CYP3A7: variants seen among roughly 807,000 people sequenced by gnomAD.
The protein encoded by CYP3A7 is cytochrome P450 family 3 subfamily A member 7, also known as cytochrome P450 3A7.
CYP3A7 carries 45 observed loss-of-function variants against 55.2 expected under a neutral mutation model. The observed-to-expected ratio is 0.82, with a 90% confidence interval of 0.64 to 1.05. CYP3A7 has a LOEUF of 1.05. Ranked by LOEUF, CYP3A7 falls within the 50% of genes least tolerant of loss-of-function variation. The pLI is 0.00. For missense variants in CYP3A7, 548 were observed against 605.3 expected (o/e 0.91, Z 0.99); for synonymous variants, 180 against 207.4 (o/e 0.87, Z 1.13).
chr7:99,730,610 C>T, intron 2 of CYP3A7: 1 of 180,690 alleles, frequency 5.5e-6, no homozygotes, highest in Non-Finnish European at 1.2e-5. Context: ...CCAAGCTGTG[C>T]AGGAGGAAGG....
At chr7:99,730,480 G>A (rs958092080) in intron 2 of CYP3A7, 8 of 154,496 alleles carry the variant, frequency 5.2e-5, no homozygotes, top group African/African-American at 1.9e-4. Context: ...GTCATGGGGA[G>A]TAAGACCTGG....
intron 2 of CYP3A7, among the ~76,000 whole-genome samples, chr7:99,722,745 T>C (rs1213556689): frequency 6.6e-6 from 1 of 152,202 alleles, no homozygotes; most frequent in African/African-American, 2.4e-5. Flanking sequence ...GAACGTGCAG[T>C]CTTTTTTCTC....
intron 2 of CYP3A7, among the ~76,000 whole-genome samples, chr7:99,724,844 GA>G (rs914992584): frequency 6.6e-6 from 1 of 151,946 alleles, no homozygotes; most frequent in African/African-American, 2.4e-5. Context: ...ATATATACAG[GA>G]ATTCCAATAT....
At chr7:99,733,042 G>A (rs937694892) in intron 1 of CYP3A7, among the ~76,000 whole-genome samples, 2 of 152,182 alleles carry the variant, frequency 1.3e-5, no homozygotes, top group African/African-American at 4.8e-5. Context: ...GCTCGTGTTT[G>A]GAGAACCCAG....
At chr7:99,721,977 A>G (rs966090434) in intron 3 of CYP3A7, among the ~76,000 whole-genome samples, 1 of 152,186 alleles carries the variant, frequency 6.6e-6, no homozygotes, top group Admixed American at 6.5e-5. Context: ...TTGGTGTGGC[A>G]TCACCCTTGT....
In CYP3A7 at chr7:99,717,533, A is replaced by G; in HGVS notation, c.425T>C (p.Leu142Pro). The change falls in exon 5 of 13, where the codon CTC (leucine) becomes CCC (proline). Residue 142 changes from leucine to proline, a missense_variant. Leu to Pro is a moderately conservative substitution (Grantham distance 98, BLOSUM62 -3). Coordinates refer to ENST00000336374, the MANE Select transcript of CYP3A7 (RefSeq NM_000765.5). ...CCCAAGTTATTTTCATACCTCCTTG[A>G]GTTTTCCGCTGGTGAATGTTGGAGA... ...LLSPTFTSGK[L>P]KEMVPIIAQY... 1 of 1,613,600 alleles carries G rather than the reference A, an allele frequency of 6.2e-7. No homozygotes were observed. Among genetic ancestry groups the G allele is most frequent in the Non-Finnish European group, 8.5e-7 (1 of 1,179,782 alleles).
At chr7:99,714,974 G>C (rs1340062578) in intron 7 of CYP3A7, among the ~76,000 whole-genome samples, 2 of 152,138 alleles carry the variant, frequency 1.3e-5, no homozygotes, top group Non-Finnish European at 2.9e-5. Context: ...TATGTATTGG[G>C]CTAGGGTCTC....
intron 8 of CYP3A7, among the ~76,000 whole-genome samples, chr7:99,714,060 C>T (rs968438902): frequency 2.6e-5 from 4 of 152,208 alleles, no homozygotes; most frequent in African/African-American, 9.6e-5. Flanking sequence ...CAGAGAAGAC[C>T]TCTGTTCACT....
In CYP3A7 at chr7:99,708,404, C is replaced by A. The variant is rs1328447821; in HGVS notation, c.1254-430G>T. Among the ~76,000 whole-genome samples the A allele has an allele frequency of 2.6e-5, 4 of 152,006 alleles. No individual in the cohort carries two copies. The East Asian group carries it at 7.7e-4, about 29-fold the overall frequency. On this transcript the variant is annotated intron_variant, in intron 11 of 12. Transcript: ENST00000336374. Reference sequence around the variant, plus strand: ...CTTCAAAATTGTTATTTTGCACTTTCCTTCTCCTCTCGTCTCTTGTTTTTC... The same window carrying A: ...CTTCAAAATTGTTATTTTGCACTTTACTTCTCCTCTCGTCTCTTGTTTTTC...
At chr7:99,708,563 C>G (rs1199014668) in intron 11 of CYP3A7, among the ~76,000 whole-genome samples, 3 of 152,104 alleles carry the variant, frequency 2.0e-5, no homozygotes, top group Non-Finnish European at 4.4e-5. Flanking sequence ...ATAATTTACA[C>G]AGGCATATGA....
At chr7:99,709,891 G>A (rs1440606179) in intron 10 of CYP3A7, among the ~76,000 whole-genome samples, 2 of 152,070 alleles carry the variant, frequency 1.3e-5, no homozygotes, top group Non-Finnish European at 2.9e-5. Context: ...TCAATAATTT[G>A]AGGAAAAACT....
At chr7:99,734,042 C>T (rs1282556141) in intron 1 of CYP3A7, among the ~76,000 whole-genome samples, 1 of 152,116 alleles carries the variant, frequency 6.6e-6, no homozygotes, top group East Asian at 1.9e-4. Flanking sequence ...TTTTATCACT[C>T]AGAAGGAACA....
chr7:99,720,162 G>A (rs1468898244), intron 4 of CYP3A7, 151 bp downstream of exon 4: 10 of 904,724 alleles, frequency 1.1e-5, no homozygotes, highest in Non-Finnish European at 1.7e-5. Context: ...ATGCAAGATT[G>A]CAAGATGTTA....
chr7:99,731,761 C>A (rs554963571), intron 1 of CYP3A7, among the ~76,000 whole-genome samples: 2 of 152,230 alleles, frequency 1.3e-5, no homozygotes, highest in African/African-American at 4.8e-5. Flanking sequence ...GTCACAGAGT[C>A]CTTATTTCTA....
rs375588438 is a variant in CYP3A7, at chr7:99,709,134, C to T, written c.1154G>A (p.Gly385Glu). Residue 385 changes from glycine (G) to glutamate (E), a missense_variant, in exon 11 of 13, where the codon GGG becomes GAG. By Grantham distance (98) the Gly-to-Glu change is moderately conservative. Transcript: ENST00000336374. The part of the protein sequence containing the change: ...RVCKKDVEIN[G>E]MFIPKGVVVM... Reference sequence around the variant, plus strand: ...CACCACCCCTTTGGGAATAAACATCCCATTGATTTCAACATCTTTTTTGCA... The same window carrying T: ...CACCACCCCTTTGGGAATAAACATCTCATTGATTTCAACATCTTTTTTGCA... The T allele has an allele frequency of 3.1e-6, 5 of 1,613,972 alleles. No homozygotes were observed. The highest frequency in any genetic ancestry group is 2.2e-5 in the East Asian group (1 of 44,850).
Position 99,721,477 on chromosome 7 carries a change from G to A in CYP3A7, c.218+819C>T, listed in dbSNP as rs1219613684. ...GCCATGCATTTATGAGCACATATTC[G>A]AAGGGTCTGAGACAATGCATGTGAT... is the stretch of plus-strand genomic sequence containing the variant. On this transcript the variant is annotated intron_variant, in intron 3 of 12. Coordinates refer to ENST00000336374, the MANE Select transcript of CYP3A7 (RefSeq NM_000765.5). Among the ~76,000 whole-genome samples the A allele has an allele frequency of 3.9e-5, 6 of 152,232 alleles. 1 individual carries two copies. The highest frequency in any genetic ancestry group is 1.3e-4 in the Admixed American group (2 of 15,304).
At chr7:99,712,196 C>T (rs1813773159) in intron 9 of CYP3A7, among the ~76,000 whole-genome samples, 2 of 152,196 alleles carry the variant, frequency 1.3e-5, no homozygotes, top group Admixed American at 1.3e-4. Flanking sequence ...GTGCCTGTTC[C>T]AACCATGTAA....
At chr7:99,730,291 T>C (rs1196761860) in intron 2 of CYP3A7, among the ~76,000 whole-genome samples, 1 of 152,238 alleles carries the variant, frequency 6.6e-6, no homozygotes, top group East Asian at 1.9e-4. Flanking sequence ...ATTCTGCCTT[T>C]GTGTAAAAAA....
intron 4 of CYP3A7, among the ~76,000 whole-genome samples, chr7:99,719,935 T>C (rs1461541742): frequency 1.3e-5 from 2 of 152,138 alleles, no homozygotes; most frequent in African/African-American, 4.8e-5. Context: ...AGGTGGAGGT[T>C]GCAGTGAGCC....
Sources: allele counts gnomAD v4.1 joint callset (sites outside exome capture counted in the v4.1 genomes callset), GRCh38; gene constraint gnomAD v4.1.1; transcripts MANE v1.5; gene names NCBI Gene and HGNC (gene_info 2026-07-23, HGNC 2026-07-21).